The following SULF1 variants were observed in gnomAD, a reference collection of about 807,000 sequenced individuals.
The protein encoded by SULF1 is sulfatase 1.
Under a neutral mutation model 110.5 loss-of-function variants are expected in SULF1, and 46 were observed. The observed-to-expected ratio is 0.42, with a 90% confidence interval of 0.33 to 0.53. The LOEUF (loss-of-function observed/expected upper bound fraction) is 0.53. Ranked by LOEUF, SULF1 falls within the 20% of genes least tolerant of loss-of-function variation. The pLI, the probability that SULF1 is intolerant of heterozygous loss-of-function variation, is 0.12. For synonymous variants in SULF1, 371 were observed against 387.1 expected (o/e 0.96, Z 0.49); for missense variants, 941 against 1,094.2 (o/e 0.86, Z 1.98).
intron 8 of SULF1, among the ~76,000 whole-genome samples, chr8:69,594,678 G>A (rs945195177): frequency 2.6e-5 from 4 of 151,890 alleles, no homozygotes; most frequent in African/African-American, 9.7e-5. Context: ...GTGAAAGGAC[G>A]TGCTTTTGAA....
chr8:69,513,129 A>G (rs911027286), intron 3 of SULF1, among the ~76,000 whole-genome samples: 10 of 152,212 alleles, frequency 6.6e-5, no homozygotes, highest in African/African-American at 2.2e-4. Flanking sequence ...AGTACACAAT[A>G]AATGTTCATT....
At chr8:69,622,220 AC>A (rs1432431581) in intron 14 of SULF1, among the ~76,000 whole-genome samples, 1 of 152,200 alleles carries the variant, frequency 6.6e-6, no homozygotes, top group Admixed American at 6.5e-5. Flanking sequence ...GATTTGGGAG[AC>A]TTTTTTTCTT....
chr8:69,648,964 G>C (rs945366403), intron 22 of SULF1, among the ~76,000 whole-genome samples: 1 of 152,088 alleles, frequency 6.6e-6, no homozygotes, highest in Non-Finnish European at 1.5e-5. Context: ...TTCTGTTTCC[G>C]GGATTGGGGA....
chr8:69,496,362 T>A (rs1196035033), intron 2 of SULF1, among the ~76,000 whole-genome samples: 2 of 152,266 alleles, frequency 1.3e-5, no homozygotes, highest in Non-Finnish European at 2.9e-5. Flanking sequence ...GATAACAATC[T>A]GAATTTCTTC....
intron 2 of SULF1, among the ~76,000 whole-genome samples, chr8:69,501,101 CT>C (rs1810767995): frequency 6.6e-6 from 1 of 152,156 alleles, no homozygotes; most frequent in African/African-American, 2.4e-5. Context: ...AGTATGAAGA[CT>C]TTAAATGAAA....
intron 18 of SULF1, 47 bp downstream of exon 18, chr8:69,628,283 C>T (rs375083046): frequency 4.5e-5 from 68 of 1,525,838 alleles, no homozygotes; most frequent in Non-Finnish European, 5.8e-5. Context: ...CAATGACTGT[C>T]CACCTGGCCC....
rs746100005 is a variant in SULF1 at position 69,563,951 on chromosome 8, G to C, written c.-25G>C. ...ATCAGGAGACGGAGACATTTTGTCAGTTTTGCAACATTGGACCAAATACAA... is the reference window on the plus strand; with the variant it reads ...ATCAGGAGACGGAGACATTTTGTCACTTTTGCAACATTGGACCAAATACAA... On this transcript the variant is annotated 5_prime_UTR_variant, in exon 5 of 23. Coordinates refer to ENST00000402687, the MANE Select transcript of SULF1 (RefSeq NM_001128205.2). 9.3e-6 allele frequency: 15 copies of C among 1,608,164 alleles called. 1 individual carries two copies. Among genetic ancestry groups the C allele is most frequent in the Non-Finnish European group, 1.3e-5 (15 of 1,175,116 alleles).
chr8:69,561,593 C>T (rs1037909319), intron 3 of SULF1, among the ~76,000 whole-genome samples: 1 of 152,188 alleles, frequency 6.6e-6, no homozygotes, highest in African/African-American at 2.4e-5. Context: ...ACTCAAATGC[C>T]ACTGTTTGTC....
chr8:69,643,039 G>A (rs1011575445), intron 22 of SULF1, among the ~76,000 whole-genome samples: 2 of 152,146 alleles, frequency 1.3e-5, no homozygotes, highest in African/African-American at 4.8e-5. Context: ...CCAGAGAGCA[G>A]ATCTAAGGAT....
chr8:69,629,884 C>A (rs1294636778), intron 19 of SULF1, among the ~76,000 whole-genome samples: 1 of 152,164 alleles, frequency 6.6e-6, no homozygotes, highest in African/African-American at 2.4e-5. Context: ...TTTGGTAATG[C>A]CAAGCTTCTC....
At chr8:69,575,412 G>A (rs183939342) in intron 5 of SULF1, among the ~76,000 whole-genome samples, 41 of 151,502 alleles carry the variant, frequency 2.7e-4, no homozygotes, top group African/African-American at 9.8e-4. Flanking sequence ...CAAACATTTG[G>A]TGAGCTTGCT....
intron 13 of SULF1, among the ~76,000 whole-genome samples, chr8:69,617,749 A>T (rs1279778492): frequency 6.6e-6 from 1 of 152,090 alleles, no homozygotes; most frequent in Non-Finnish European, 1.5e-5. Context: ...TCTGTCACTT[A>T]TCAACTAACT....
At chr8:69,557,513 C>G (rs1200236895) in intron 3 of SULF1, among the ~76,000 whole-genome samples, 2 of 152,162 alleles carry the variant, frequency 1.3e-5, no homozygotes, top group African/African-American at 4.8e-5. Flanking sequence ...CTCACTTCAT[C>G]CTTCTCACTC....
chr8:69,514,069 G>C (rs1811758897), intron 3 of SULF1, among the ~76,000 whole-genome samples: 1 of 152,150 alleles, frequency 6.6e-6, no homozygotes, highest in South Asian at 2.1e-4. Context: ...ACATGGAGGT[G>C]CTCACTTTCA....
chr8:69,611,090 G>A (rs538971053), intron 13 of SULF1, among the ~76,000 whole-genome samples: 24 of 152,204 alleles, frequency 1.6e-4, no homozygotes, highest in Non-Finnish European at 3.2e-4. Flanking sequence ...TGCTTTCTTG[G>A]CATTTGCCTA....
At chr8:69,607,829 A>T (rs2130445218) in intron 13 of SULF1, among the ~76,000 whole-genome samples, 1 of 152,332 alleles carries the variant, frequency 6.6e-6, no homozygotes, top group Admixed American at 6.5e-5. Flanking sequence ...GTGGCAGCGG[A>T]GGCTAGAACT....
chr8:69,490,562 C>A (rs541673517), upstream of SULF1, among the ~76,000 whole-genome samples: 1 of 152,180 alleles, frequency 6.6e-6, no homozygotes, highest in African/African-American at 2.4e-5. Flanking sequence ...TGCCTGGCCT[C>A]CCTCACATTC....
At chr8:69,620,948 GAA>G in intron 13 of SULF1, 85 bp from the exon 14 acceptor site, 1 of 1,198,418 alleles carries the variant, frequency 8.3e-7, no homozygotes, top group Non-Finnish European at 1.2e-6. Context: ...CTAAAAAAAA[GAA>G]AAAAGAAAAA....
intron 3 of SULF1, among the ~76,000 whole-genome samples, chr8:69,506,988 G>A (rs1811242723): frequency 6.6e-6 from 1 of 152,176 alleles, no homozygotes; most frequent in African/African-American, 2.4e-5. Flanking sequence ...AGGGCCTAAG[G>A]GGCCGTGCTC....
Sources: allele counts gnomAD v4.1 joint callset (sites outside exome capture counted in the v4.1 genomes callset), GRCh38; gene constraint gnomAD v4.1.1; transcripts MANE v1.5; gene names NCBI Gene and HGNC (gene_info 2026-07-23, HGNC 2026-07-21).